USH2A: variants seen among roughly 807,000 people sequenced by gnomAD.
USH2A encodes usherin, also known as Usher syndrome 2A (autosomal recessive, mild).
A neutral mutation model predicts 538.9 loss-of-function variants in USH2A; 443 were observed. The observed-to-expected ratio is 0.82, with a 90% CI of 0.76 to 0.89. USH2A has a LOEUF of 0.89. USH2A is among the 40% of genes least tolerant of loss of function. USH2A has a pLI of 0.00. For synonymous variants in USH2A, 2,413 were observed against 2,273.5 expected (o/e 1.06, Z -1.75); for missense variants, 6,633 against 6,324.8 (o/e 1.05, Z -1.65).
chr1:216,281,749 A>G (rs1257166087), intron 11 of USH2A, among the ~76,000 whole-genome samples: 1 of 152,010 alleles, frequency 6.6e-6, no homozygotes, highest in East Asian at 1.9e-4. Flanking sequence ...TCCATCTTTA[A>G]TATTTTGAGA....
rs752000364 is a variant in USH2A at position 215,766,721 on chromosome 1, G to A, written c.11007C>T (p.Ser3669=). ...GCAGTGTCTGACCTAGAAAAGGCTC[G>A]CTTGAAGTGCACCCAGCAGATGTAC... ...TACTSAGCTS[S]EPFLGQTLQA... is the part of the protein sequence containing the mutation. Residue 3669 remains serine, a synonymous_variant, in exon 56 of 72, where the codon AGC becomes AGT. Coordinates refer to ENST00000307340, the MANE Select transcript of USH2A (RefSeq NM_206933.4). The A allele has an allele frequency of 2.3e-5, 37 of 1,613,522 alleles. No homozygotes were observed. Among genetic ancestry groups the A allele is most frequent in the South Asian group, 8.8e-5 (8 of 91,084 alleles).
At chr1:215,995,888 T>G (rs1045933063) in intron 34 of USH2A, among the ~76,000 whole-genome samples, 1 of 152,142 alleles carries the variant, frequency 6.6e-6, no homozygotes, top group Non-Finnish European at 1.5e-5. Context: ...TCATGACTAT[T>G]AAGACAATCC....
chr1:215,867,795 C>T (rs1030919990), intron 43 of USH2A, among the ~76,000 whole-genome samples: 3 of 152,258 alleles, frequency 2.0e-5, no homozygotes, highest in South Asian at 2.1e-4. Flanking sequence ...CAGTGGAAAC[C>T]GAATATTACT....
At chr1:216,410,931 C>G (rs2039479103) in intron 3 of USH2A, among the ~76,000 whole-genome samples, 1 of 152,076 alleles carries the variant, frequency 6.6e-6, no homozygotes, top group African/African-American at 2.4e-5. Flanking sequence ...CCATAACAAC[C>G]CTTCACACTT....
chr1:216,186,136 G>A (rs2102651055), intron 20 of USH2A, among the ~76,000 whole-genome samples: 1 of 149,426 alleles, frequency 6.7e-6, no homozygotes, highest in East Asian at 2.0e-4. Context: ...TTTTTCTTTA[G>A]AAAAGAAAGG....
chr1:215,840,852 A>G (rs1264818746), intron 46 of USH2A, among the ~76,000 whole-genome samples: 1 of 152,188 alleles, frequency 6.6e-6, no homozygotes, highest in African/African-American at 2.4e-5. Flanking sequence ...CCTTTTTTAT[A>G]TAGCTATATT....
At chr1:216,032,401 A>G (rs1669148692) in intron 32 of USH2A, among the ~76,000 whole-genome samples, 2 of 152,124 alleles carry the variant, frequency 1.3e-5, no homozygotes, top group Admixed American at 1.3e-4. Flanking sequence ...TTACCATTCT[A>G]CCAGGAAACC....
chr1:216,089,069 A>G lies in USH2A; in HGVS notation c.4829T>C (p.Ile1610Thr), dbSNP rs776263307. ...AAAAGCCTGATGCCTAATAGCAATT[A>G]TTTCATGCCATTTTCCATCACTATA... is the stretch of plus-strand genomic sequence containing the variant. ...KQYSDGKWHEIIAIRHQAFGQ... is the reference protein window; with the variant it reads ...KQYSDGKWHETIAIRHQAFGQ... Residue 1610 changes from isoleucine (I) to threonine (T), a missense_variant, in exon 23 of 72, where the codon ATA becomes ACA. Transcript: ENST00000307340. The G allele has an allele frequency of 6.8e-6, 11 of 1,613,438 alleles. 1 individual carries two copies. The South Asian group carries it at 8.8e-5, about 13-fold the overall frequency.
At chr1:216,146,019 T>C (rs2033694458) in intron 21 of USH2A, among the ~76,000 whole-genome samples, 1 of 152,186 alleles carries the variant, frequency 6.6e-6, no homozygotes, top group Non-Finnish European at 1.5e-5. Flanking sequence ...ACACAAAGCC[T>C]GTTTGGTGGT....
At chr1:215,770,999 T>A (rs932428555) in intron 55 of USH2A, among the ~76,000 whole-genome samples, 2 of 144,446 alleles carry the variant, frequency 1.4e-5, no homozygotes, top group African/African-American at 5.2e-5. Context: ...TGGTGGTGCA[T>A]GCCTGTAGTC....
chr1:216,067,462 G>A (rs565694055), intron 30 of USH2A, among the ~76,000 whole-genome samples: 19 of 149,668 alleles, frequency 1.3e-4, no homozygotes, highest in Non-Finnish European at 2.8e-4. Context: ...CATGATGTTG[G>A]ATGCTCTGTA....
intron 3 of USH2A, among the ~76,000 whole-genome samples, chr1:216,406,543 A>G (rs1250182443): frequency 1.3e-5 from 2 of 152,178 alleles, no homozygotes; most frequent in African/African-American, 2.4e-5. Context: ...CACTACCTAT[A>G]CTAGACCTCT....
At chr1:216,052,763 G>A (rs1490545023) in intron 30 of USH2A, among the ~76,000 whole-genome samples, 2 of 152,158 alleles carry the variant, frequency 1.3e-5, no homozygotes, top group Non-Finnish European at 2.9e-5. Flanking sequence ...GGAGACACGT[G>A]GTTTATCTCC....
At chr1:216,218,502 T>A (rs2035389324) in intron 14 of USH2A, among the ~76,000 whole-genome samples, 1 of 152,126 alleles carries the variant, frequency 6.6e-6, no homozygotes, top group African/African-American at 2.4e-5. Context: ...TATATTCTAA[T>A]AAAGATGCTG....
chr1:215,689,354 T>C (rs4540626), intron 61 of USH2A, among the ~76,000 whole-genome samples: 79,186 of 152,090 alleles, frequency 0.52, 20,805 homozygotes, highest in Non-Finnish European at 0.55. Context: ...AGTCTCCATA[T>C]GATCTCTTGA....
chr1:216,094,345 G>A (rs2032386528), intron 22 of USH2A, among the ~76,000 whole-genome samples: 2 of 152,110 alleles, frequency 1.3e-5, no homozygotes, highest in Non-Finnish European at 2.9e-5. Context: ...CAAAACGTCA[G>A]TATAATCTAT....
chr1:216,186,599 A>G (rs1168511341), intron 20 of USH2A, among the ~76,000 whole-genome samples: 1 of 151,906 alleles, frequency 6.6e-6, no homozygotes, highest in Non-Finnish European at 1.5e-5. Flanking sequence ...CTAATTGATT[A>G]TAACCTATAG....
chr1:216,142,777 C>T (rs1286817606), intron 21 of USH2A, among the ~76,000 whole-genome samples: 1 of 152,126 alleles, frequency 6.6e-6, no homozygotes, highest in Non-Finnish European at 1.5e-5. Context: ...CTTTCCTATG[C>T]CAATTCTAAT....
At chr1:215,816,923 T>G in intron 48 of USH2A, 74 bp downstream of exon 48, 5 of 1,441,544 alleles carry the variant, frequency 3.5e-6, no homozygotes, top group African/African-American at 1.4e-5. Context: ...CATCATGGTG[T>G]GAGAAGCTAA....
Sources: allele counts gnomAD v4.1 joint callset (sites outside exome capture counted in the v4.1 genomes callset), GRCh38; gene constraint gnomAD v4.1.1; transcripts MANE v1.5; gene names NCBI Gene and HGNC (gene_info 2026-07-23, HGNC 2026-07-21).